GRIN2A: variants seen among roughly 807,000 people sequenced by gnomAD.
The protein encoded by GRIN2A is glutamate receptor ionotropic, NMDA 2A.
A neutral mutation model predicts 113.4 loss-of-function variants in GRIN2A; 22 were observed. That is an observed-to-expected ratio of 0.19 (90% CI 0.14 to 0.28). The LOEUF (loss-of-function observed/expected upper bound fraction) is 0.28. Ranked by LOEUF, GRIN2A falls within the 10% of genes least tolerant of loss-of-function variation. The probability of loss-of-function intolerance (pLI) is 1.00; values close to 1 mark genes in which losing one functional copy is unlikely to be tolerated. For synonymous variants in GRIN2A, 827 were observed against 738.4 expected (o/e 1.12, Z -1.94); for missense variants, 1,502 against 1,887.0 (o/e 0.80, Z 3.78).
intron 2 of GRIN2A, among the ~76,000 whole-genome samples, chr16:10,158,761 G>A (rs549844921): frequency 3.0e-4 from 45 of 152,266 alleles, no homozygotes; most frequent in Non-Finnish European, 5.6e-4. Context: ...GAGCTGGAGG[G>A]GTGGGGAAAT....
chr16:9,913,382 T>A (rs16966702), intron 3 of GRIN2A, among the ~76,000 whole-genome samples: 3,061 of 152,306 alleles, frequency 0.02, 75 homozygotes, highest in East Asian at 0.12. Context: ...ATTTGCAGAA[T>A]GAGATTCTAT....
intron 2 of GRIN2A, among the ~76,000 whole-genome samples, chr16:10,148,710 C>T (rs1477326097): frequency 6.6e-6 from 1 of 152,220 alleles, no homozygotes; most frequent in African/African-American, 2.4e-5. Flanking sequence ...ACCCAGCAAT[C>T]CTACTGCTAG....
At chr16:9,964,329 A>AATTGT (rs1475149107) in intron 2 of GRIN2A, among the ~76,000 whole-genome samples, 2 of 152,196 alleles carry the variant, frequency 1.3e-5, no homozygotes, top group Non-Finnish European at 2.9e-5. Flanking sequence ...ACAATTACTC[A>AATTGT]GCCTTGAATT....
chr16:10,120,292 G>A (rs796457947), intron 2 of GRIN2A, among the ~76,000 whole-genome samples: 11 of 152,272 alleles, frequency 7.2e-5, no homozygotes, highest in African/African-American at 2.4e-4. Flanking sequence ...GTAGAGTCCA[G>A]GGATGTTGCT....
chr16:9,888,773 A>C (rs2043636649), intron 4 of GRIN2A, among the ~76,000 whole-genome samples: 1 of 151,984 alleles, frequency 6.6e-6, no homozygotes, highest in South Asian at 2.1e-4. Context: ...TTTTTCATAG[A>C]TACCCTTTAT....
intron 2 of GRIN2A, among the ~76,000 whole-genome samples, chr16:10,165,785 G>C (rs1226804775): frequency 2.3e-5 from 3 of 132,426 alleles, no homozygotes; most frequent in Non-Finnish European, 3.2e-5. Context: ...GAGAAGAGAG[G>C]AGTGGAGAAG....
chr16:9,990,367 T>A (rs138382134), intron 2 of GRIN2A, among the ~76,000 whole-genome samples: 2 of 151,886 alleles, frequency 1.3e-5, no homozygotes, highest in African/African-American at 4.8e-5. Flanking sequence ...ACAATAGACA[T>A]TGGGGATCCC....
intron 2 of GRIN2A, among the ~76,000 whole-genome samples, chr16:10,088,795 A>T (rs1324926180): frequency 6.6e-6 from 1 of 152,222 alleles, no homozygotes; most frequent in African/African-American, 2.4e-5. Context: ...GGGCATCCCC[A>T]TAGCCTTGTA....
At chr16:9,996,045 A>G (rs980918586) in intron 2 of GRIN2A, among the ~76,000 whole-genome samples, 6 of 150,078 alleles carry the variant, frequency 4.0e-5, no homozygotes, top group African/African-American at 7.3e-5. Flanking sequence ...AAAAAAAAAA[A>G]AAAAAAAGAA....
intron 2 of GRIN2A, among the ~76,000 whole-genome samples, chr16:10,065,999 G>C (rs1237888393): frequency 1.3e-5 from 2 of 152,164 alleles, no homozygotes; most frequent in Non-Finnish European, 2.9e-5. Flanking sequence ...TTCGGAAATG[G>C]ATTTAGACAT....
chr16:9,922,973 T>A (rs1417428198), intron 3 of GRIN2A, among the ~76,000 whole-genome samples: 2 of 152,126 alleles, frequency 1.3e-5, no homozygotes, highest in Non-Finnish European at 2.9e-5. Context: ...TTGGGTGGAG[T>A]GTTCCACAAG....
At chr16:9,901,282 T>G (rs2043917579) in intron 3 of GRIN2A, among the ~76,000 whole-genome samples, 1 of 152,214 alleles carries the variant, frequency 6.6e-6, no homozygotes. Context: ...ACTTTGTCTC[T>G]CTGTCCAGTG....
At chr16:10,131,185 T>G (rs192614987) in intron 2 of GRIN2A, among the ~76,000 whole-genome samples, 1 of 152,288 alleles carries the variant, frequency 6.6e-6, no homozygotes, top group East Asian at 1.9e-4. Flanking sequence ...TTGCATGCTG[T>G]GGGTGATCGA....
chr16:9,886,227 A>G (rs1329912295), intron 4 of GRIN2A, among the ~76,000 whole-genome samples: 2 of 152,250 alleles, frequency 1.3e-5, no homozygotes, highest in Admixed American at 6.5e-5. Flanking sequence ...CATAAGGCAG[A>G]AAGGCTCCAA....
chr16:10,176,872 A>AAAAAAAGTT (rs1418164712), intron 2 of GRIN2A, among the ~76,000 whole-genome samples: 1 of 152,234 alleles, frequency 6.6e-6, no homozygotes, highest in African/African-American at 2.4e-5. Flanking sequence ...AAAAAAAGTT[A>AAAAAAAGTT]AAAAAATGTG....
chr16:10,148,751 A>T (rs1418501062), intron 2 of GRIN2A, among the ~76,000 whole-genome samples: 1 of 152,092 alleles, frequency 6.6e-6, no homozygotes, highest in East Asian at 1.9e-4. Context: ...AAATCAGTAT[A>T]TCAAAGAGAT....
intron 2 of GRIN2A, among the ~76,000 whole-genome samples, chr16:10,125,560 A>C (rs4782271): frequency 0.17 from 26,067 of 151,076 alleles, 2,357 homozygotes; most frequent in Admixed American, 0.19. Flanking sequence ...AGATTCTCCT[A>C]CAGCAAGTCT....
chr16:9,972,489 C>G (rs1013605884), intron 2 of GRIN2A, among the ~76,000 whole-genome samples: 1 of 152,050 alleles, frequency 6.6e-6, no homozygotes, highest in Non-Finnish European at 1.5e-5. Flanking sequence ...GTTAAAGCAG[C>G]TATTCTAACA....
intron 4 of GRIN2A, among the ~76,000 whole-genome samples, chr16:9,885,395 A>C (rs2043568122): frequency 6.6e-6 from 1 of 152,180 alleles, no homozygotes; most frequent in Non-Finnish European, 1.5e-5. Context: ...ATCACTGAAG[A>C]ACAAGGGAGA....
Sources: allele counts gnomAD v4.1 joint callset (sites outside exome capture counted in the v4.1 genomes callset), GRCh38; gene constraint gnomAD v4.1.1; transcripts MANE v1.5; gene names NCBI Gene and HGNC (gene_info 2026-07-23, HGNC 2026-07-21).